The following PCDHA12 variants were observed in gnomAD, a reference collection of about 807,000 sequenced individuals.
The protein encoded by PCDHA12 is protocadherin alpha 12.
A neutral mutation model predicts 60.0 loss-of-function variants in PCDHA12; 44 were observed. The ratio of observed to expected loss-of-function variants is 0.73; its 90% confidence interval spans 0.58 to 0.94. The LOEUF (loss-of-function observed/expected upper bound fraction) is 0.94. PCDHA12 is among the 40% of genes least tolerant of loss of function. PCDHA12 has a pLI of 0.00. For synonymous variants in PCDHA12, 569 were observed against 553.0 expected, an observed-to-expected ratio of 1.03 and a Z score of -0.40; for missense variants, 1,276 against 1,239.7, an observed-to-expected ratio of 1.03 and a Z score of -0.44.
chr5:140,876,139 A>G lies in PCDHA12; in HGVS notation c.667A>G (p.Thr223Ala), dbSNP rs1554168285. 6.2e-7 allele frequency: 1 copy of G among 1,613,960 alleles called. No individual in the cohort carries two copies. Among genetic ancestry groups the G allele is most frequent in the South Asian group, 1.1e-5 (1 of 91,092 alleles). Residue 223 changes from threonine (T) to alanine (A), a missense_variant, in exon 1 of 4, where the codon ACA becomes GCA. Transcript: ENST00000398631. ...MVIDGGKPEL[T>A]GSVQIQITVL... ...AATCGATGGCGGTAAACCAGAACTA[A>G]CAGGGTCTGTCCAGATTCAAATAAC...
At chr5:140,883,844 G>T (rs1404353270) in intron 1 of PCDHA12, 10 of 1,612,718 alleles carry the variant, frequency 6.2e-6, no homozygotes, top group South Asian at 1.1e-5. Flanking sequence ...GTTGGACCAC[G>T]AGGAGCTGGA....
At position 140,884,225 on chromosome 5, in the gene PCDHA12, G is replaced by T. The variant is rs782322312; in HGVS notation, c.2367+6386G>T. 1.6e-5 allele frequency: 26 copies of T among 1,613,448 alleles called. No homozygotes were observed. The South Asian group carries it at 2.4e-4, about 15-fold the overall frequency. ...CCACCGCCTTCTGGTGCTGGTGAAG[G>T]ACCACGGTGAGCCCGCGCTGACGGC... is the stretch of plus-strand genomic sequence containing the variant. On this transcript the variant is annotated intron_variant, in intron 1 of 3. Transcript: ENST00000398631.
intron 1 of PCDHA12, chr5:140,927,862 G>A (rs1397918624): frequency 2.5e-6 from 4 of 1,614,082 alleles, no homozygotes; most frequent in African/African-American, 2.7e-5. Context: ...AGCTAGCACC[G>A]CTAAACTGCT....
At chr5:140,947,622 G>C (rs1435558526) in intron 1 of PCDHA12, among the ~76,000 whole-genome samples, 1 of 151,534 alleles carries the variant, frequency 6.6e-6, no homozygotes, top group East Asian at 1.9e-4. Context: ...TAACAATATT[G>C]AGTCATCAGA....
At chr5:140,971,292 T>C (rs1194622162) in intron 1 of PCDHA12, among the ~76,000 whole-genome samples, 1 of 152,210 alleles carries the variant, frequency 6.6e-6, no homozygotes, top group Non-Finnish European at 1.5e-5. Flanking sequence ...TAATATGTAC[T>C]TTGGTACACA....
chr5:140,946,611 A>AATAT (rs1554217734), intron 1 of PCDHA12, among the ~76,000 whole-genome samples: 1,089 of 86,784 alleles, frequency 0.013, 135 homozygotes, highest in African/African-American at 0.062. Flanking sequence ...GAAAATGTGA[A>AATAT]ATATATATAT....
chr5:140,994,460 T>C (rs1260062613), intron 3 of PCDHA12, among the ~76,000 whole-genome samples: 1 of 152,124 alleles, frequency 6.6e-6, no homozygotes, highest in African/African-American at 2.4e-5. Context: ...CCCAGCACTT[T>C]GGGAGGCTGA....
At chr5:140,981,342 G>A (rs2096927846) in intron 2 of PCDHA12, among the ~76,000 whole-genome samples, 1 of 152,176 alleles carries the variant, frequency 6.6e-6, no homozygotes, top group African/African-American at 2.4e-5. Flanking sequence ...GGGAGGGTGA[G>A]GCAGGTGGAT....
chr5:141,005,701 C>CAAAAAA (rs59860837), intron 3 of PCDHA12, among the ~76,000 whole-genome samples: 13 of 7,792 alleles, frequency 1.7e-3, no homozygotes, highest in East Asian at 3.2e-3. Context: ...AACTCCGTCT[C>CAAAAAA]AAAAAAAAAA....
At chr5:140,927,780 T>C (rs1189193877) in intron 1 of PCDHA12, 5 of 1,614,090 alleles carry the variant, frequency 3.1e-6, no homozygotes, top group African/African-American at 1.3e-5. Flanking sequence ...TGCAAGTAGC[T>C]GCTTCACTAG....
At chr5:140,951,098 A>T (rs1480000816) in intron 1 of PCDHA12, among the ~76,000 whole-genome samples, 1 of 151,264 alleles carries the variant, frequency 6.6e-6, no homozygotes, top group African/African-American at 2.4e-5. Flanking sequence ...TTCTGATAAG[A>T]TTTCCTTTAT....
intron 3 of PCDHA12, among the ~76,000 whole-genome samples, chr5:141,002,246 C>T (rs1217451636): frequency 6.6e-6 from 1 of 152,190 alleles, no homozygotes; most frequent in Non-Finnish European, 1.5e-5. Flanking sequence ...CTTTATTAAC[C>T]TCAGCACTGA....
intron 3 of PCDHA12, among the ~76,000 whole-genome samples, chr5:140,999,135 C>T (rs2097848218): frequency 6.6e-6 from 1 of 152,180 alleles, no homozygotes; most frequent in Non-Finnish European, 1.5e-5. Context: ...GAAAATGTCA[C>T]AGCCGGAAGT....
chr5:140,928,824 A>C (rs782336122), intron 1 of PCDHA12: 2 of 1,614,110 alleles, frequency 1.2e-6, no homozygotes, highest in Non-Finnish European at 1.7e-6. Flanking sequence ...ATGGAGACCC[A>C]CCACTTTCCT....
intron 1 of PCDHA12, among the ~76,000 whole-genome samples, chr5:140,964,480 C>T (rs2095835890): frequency 6.6e-6 from 1 of 152,122 alleles, no homozygotes; most frequent in Non-Finnish European, 1.5e-5. Flanking sequence ...GATTTTTTCA[C>T]AGTCACAGGT....
chr5:140,969,823 T>C (rs782195981), intron 1 of PCDHA12, among the ~76,000 whole-genome samples: 3 of 152,248 alleles, frequency 2.0e-5, no homozygotes, highest in Non-Finnish European at 4.4e-5. Context: ...CTCTGGACTG[T>C]CTACAGTGGA....
chr5:140,966,803 C>G, intron 1 of PCDHA12: 1 of 1,542,484 alleles, frequency 6.5e-7, no homozygotes, highest in Non-Finnish European at 8.7e-7. Context: ...GGCGACAGAG[C>G]ATCCACGGCT....
intron 3 of PCDHA12, among the ~76,000 whole-genome samples, chr5:141,009,130 G>A (rs1395175038): frequency 2.0e-5 from 3 of 152,188 alleles, no homozygotes; most frequent in African/African-American, 7.2e-5. Flanking sequence ...TGGTATCCTG[G>A]TGAAAAAACC....
In PCDHA12 at chr5:140,946,611, A is replaced by AATATATATATATAT. The variant is rs1554217734; in HGVS notation, c.2368-32330_2368-32317dup. Among the ~76,000 whole-genome samples the AATATATATATATAT allele has an allele frequency of 6.8e-3, 593 of 86,748 alleles. 22 individuals are homozygous for AATATATATATATAT. Among genetic ancestry groups the AATATATATATATAT allele is most frequent in the African/African-American group, 0.021 (323 of 15,664 alleles). The allele number at this position is 86,748 out of a possible 152,430, so 56.9% of individuals were successfully genotyped here. A position where few individuals can be genotyped will look rare whatever the true frequency, so the allele number is the denominator to read the frequency against. On this transcript the variant is annotated intron_variant, in intron 1 of 3. Coordinates refer to ENST00000398631, the MANE Select transcript of PCDHA12 (RefSeq NM_018903.4). ...GGATGAATAGATAAAGAAAATGTGA[A>AATATATATATATAT]ATATATATATATATATATATACAAT... is the stretch of plus-strand genomic sequence containing the variant.
Sources: gnomAD v4.1 joint callset for allele counts (sites outside exome capture counted in the v4.1 genomes callset) on GRCh38, gnomAD v4.1.1 for gene constraint, MANE v1.5 for transcripts, NCBI Gene and HGNC (gene_info 2026-07-23, HGNC 2026-07-21) for gene names.